Variants in VAT1L observed in about 807,000 individuals in gnomAD.
VAT1L encodes the protein vesicle amine transport 1 like, also known as putative NADPH-dependent quinone oxidoreductase VAT1L.
A neutral mutation model predicts 44.1 loss-of-function variants in VAT1L; 34 were observed. The observed-to-expected ratio is 0.77, with a 90% CI of 0.59 to 1.03. The LOEUF is 1.03. Among genes scored for constraint, VAT1L ranks in the 50% least tolerant of loss-of-function variants. The pLI is 0.00. For missense variants in VAT1L, 615 were observed against 538.8 expected (o/e 1.14, Z -1.40); for synonymous variants, 253 against 202.2 (o/e 1.25, Z -2.13).
chr16:77,838,156 C>A (rs1365431549), intron 3 of VAT1L, among the ~76,000 whole-genome samples: 2 of 152,126 alleles, frequency 1.3e-5, no homozygotes, highest in Non-Finnish European at 2.9e-5. Context: ...TAGTTCTGGC[C>A]CCTTGGATAC....
chr16:77,885,578 A>T (rs1320894151), intron 7 of VAT1L, among the ~76,000 whole-genome samples: 2 of 152,156 alleles, frequency 1.3e-5, no homozygotes, highest in Non-Finnish European at 1.5e-5. Context: ...AAGATTTCTT[A>T]GCCTTGGCTT....
chr16:77,805,561 C>T (rs990724912), intron 1 of VAT1L, among the ~76,000 whole-genome samples: 1 of 152,068 alleles, frequency 6.6e-6, no homozygotes, highest in Non-Finnish European at 1.5e-5. Context: ...TCCCTTACTG[C>T]GTCTGCTTGG....
chr16:77,847,650 G>A (rs2016770415), intron 3 of VAT1L, among the ~76,000 whole-genome samples: 2 of 152,182 alleles, frequency 1.3e-5, no homozygotes, highest in Non-Finnish European at 2.9e-5. Context: ...GACCATGTAA[G>A]AAATTCTTCT....
chr16:77,885,136 T>A (rs759487079), intron 7 of VAT1L, among the ~76,000 whole-genome samples: 13 of 152,202 alleles, frequency 8.5e-5, no homozygotes, highest in Non-Finnish European at 1.8e-4. Flanking sequence ...TGTCACCTTG[T>A]GAGTACATAA....
intron 6 of VAT1L, chr16:77,882,090 C>T (rs2017161033): frequency 6.6e-6 from 1 of 152,182 alleles, no homozygotes; most frequent in African/African-American, 2.4e-5. Flanking sequence ...AGGATGTTTT[C>T]TTTCAGAGGC....
At chr16:77,820,351 T>C (rs2016430907) in intron 2 of VAT1L, among the ~76,000 whole-genome samples, 1 of 152,196 alleles carries the variant, frequency 6.6e-6, no homozygotes, top group Non-Finnish European at 1.5e-5. Flanking sequence ...TCCAGCTAGA[T>C]GAACCAGTGC....
chr16:77,899,307 C>T (rs556320039), intron 7 of VAT1L, among the ~76,000 whole-genome samples: 2 of 152,312 alleles, frequency 1.3e-5, no homozygotes, highest in Non-Finnish European at 2.9e-5. Flanking sequence ...CCAGGAGCGG[C>T]GATGACTTTG....
At chr16:77,831,923 C>G (rs1345332701) in intron 3 of VAT1L, among the ~76,000 whole-genome samples, 2 of 151,696 alleles carry the variant, frequency 1.3e-5, no homozygotes, top group African/African-American at 4.8e-5. Context: ...TCAATCGATT[C>G]TCCTGCCTCA....
rs138355165 is a variant in VAT1L, at chr16:77,978,334, G to C, written c.*639G>C. ...TCTTATCTGTAAACACAGGGAGGCA[G>C]GTATGGATTTTTCACAGTAGACAAT... On this transcript the variant is annotated 3_prime_UTR_variant, in exon 9 of 9. Transcript: ENST00000302536. 1 of 152,444 alleles carries C rather than the reference G, an allele frequency of 6.6e-6. No individual in the cohort carries two copies. The highest frequency in any genetic ancestry group is 2.4e-5 in the African/African-American group (1 of 41,568). 9.4% of individuals were successfully genotyped at this position (152,444 alleles called of 1,614,324 possible). A position where few individuals can be genotyped will look rare whatever the true frequency, so the allele number is the denominator to read the frequency against.
At chr16:77,837,673 TG>T (rs1324605296) in intron 3 of VAT1L, among the ~76,000 whole-genome samples, 2 of 152,220 alleles carry the variant, frequency 1.3e-5, no homozygotes, top group Non-Finnish European at 2.9e-5. Flanking sequence ...GAGTCAGAGC[TG>T]GTTTTCATGC....
In VAT1L at chr16:77,862,830, T is replaced by C; in HGVS notation, c.662T>C (p.Ile221Thr). Residue 221 changes from isoleucine (I) to threonine (T), a missense_variant, in exon 4 of 9, where the codon ATC (isoleucine) becomes ACC (threonine). Coordinates refer to ENST00000302536, the MANE Select transcript of VAT1L (RefSeq NM_020927.3). ...GTASTFKHEA[I>T]KDSVTHLFDR... is the part of the protein sequence containing the mutation. Reference sequence around the variant, plus strand: ...GCCTCTACTTTCAAGCATGAAGCAATCAAAGACTCTGTGACCCACCTCTTT... The same window carrying C: ...GCCTCTACTTTCAAGCATGAAGCAACCAAAGACTCTGTGACCCACCTCTTT... 6.2e-7 allele frequency: 1 copy of C among 1,614,044 alleles called. No homozygotes were observed. Among genetic ancestry groups the C allele is most frequent in the Non-Finnish European group, 8.5e-7 (1 of 1,179,982 alleles).
intron 3 of VAT1L, among the ~76,000 whole-genome samples, chr16:77,825,738 C>T (rs577976908): frequency 4.6e-5 from 7 of 151,872 alleles, no homozygotes; most frequent in East Asian, 1.9e-4. Flanking sequence ...ATTCTCAGGC[C>T]GGGCGCCGTG....
chr16:77,827,039 A>G (rs908991112), intron 3 of VAT1L, among the ~76,000 whole-genome samples: 3 of 152,258 alleles, frequency 2.0e-5, no homozygotes, highest in African/African-American at 7.2e-5. Flanking sequence ...GCTCACATCC[A>G]GAACCATGAA....
intron 7 of VAT1L, among the ~76,000 whole-genome samples, chr16:77,886,655 G>C (rs1173284692): frequency 6.6e-6 from 1 of 152,188 alleles, no homozygotes; most frequent in Non-Finnish European, 1.5e-5. Flanking sequence ...ATGACTTCAT[G>C]GAGTTTTCAT....
intron 7 of VAT1L, among the ~76,000 whole-genome samples, chr16:77,960,809 A>C (rs948191421): frequency 6.6e-6 from 1 of 151,880 alleles, no homozygotes; most frequent in African/African-American, 2.4e-5. Context: ...ACCTCTCCTA[A>C]TTTCATTGCA....
At chr16:77,937,067 A>G (rs186816334) in intron 7 of VAT1L, among the ~76,000 whole-genome samples, 1 of 152,190 alleles carries the variant, frequency 6.6e-6, no homozygotes, top group Non-Finnish European at 1.5e-5. Context: ...TATTTTTAGT[A>G]GAGACGGGGT....
At chr16:77,920,154 C>T (rs550164926) in intron 7 of VAT1L, among the ~76,000 whole-genome samples, 1 of 152,196 alleles carries the variant, frequency 6.6e-6, no homozygotes, top group African/African-American at 2.4e-5. Flanking sequence ...AAAGTGATTG[C>T]TGTAAGGATT....
rs866453760 is a variant in VAT1L, at chr16:77,884,668, G to A, written c.943G>A (p.Gly315Arg). 6.2e-7 allele frequency: 1 copy of A among 1,613,394 alleles called. No individual in the cohort carries two copies. Among genetic ancestry groups the A allele is most frequent in the Middle Eastern group, 1.7e-4 (1 of 6,060 alleles). Reference sequence around the variant, plus strand: ...GTATGAGGAGAACAAAGTCATCGCGGGGTTTTCCCTTTTAAATCTGCTCTT... The same window carrying A: ...GTATGAGGAGAACAAAGTCATCGCGAGGTTTTCCCTTTTAAATCTGCTCTT... ...KLYEENKVIA[G>R]FSLLNLLFKQ... Residue 315 changes from glycine to arginine, a missense_variant, in exon 7 of 9, where the codon GGG (glycine) becomes AGG (arginine). Gly to Arg is a moderately radical substitution (Grantham distance 125). Coordinates refer to ENST00000302536, the MANE Select transcript of VAT1L (RefSeq NM_020927.3). The surrounding 1 kb of genome is among the most constrained non-coding windows in gnomAD (Gnocchi z 4.5).
intron 7 of VAT1L, among the ~76,000 whole-genome samples, chr16:77,891,914 T>C (rs942365612): frequency 1.6e-4 from 24 of 152,126 alleles, no homozygotes; most frequent in African/African-American, 5.5e-4. Flanking sequence ...CTACTAAGAA[T>C]ACAAAAAATT....
Sources: gnomAD v4.1 joint callset for allele counts (sites outside exome capture counted in the v4.1 genomes callset) on GRCh38, gnomAD v4.1.1 for gene constraint, Gnocchi (gnomAD v3.1) non-coding constraint, MANE v1.5 for transcripts, NCBI Gene and HGNC (gene_info 2026-07-23, HGNC 2026-07-21) for gene names.